The following RTTN variants were observed in gnomAD, a reference collection of about 807,000 sequenced individuals.
The protein encoded by RTTN is rotatin.
RTTN carries 182 observed loss-of-function variants against 269.2 expected under a neutral mutation model. That is an observed-to-expected ratio of 0.68 (90% confidence interval 0.60 to 0.76). RTTN has a LOEUF of 0.76. Among genes scored for constraint, RTTN ranks in the 30% least tolerant of loss-of-function variants. RTTN has a pLI of 0.00. For missense variants in RTTN, 2,545 were observed against 2,608.6 expected (o/e 0.98, Z 0.53); for synonymous variants, 1,006 against 963.5 (o/e 1.04, Z -0.82).
chr18:70,188,034 T>C, intron 10 of RTTN, 74 bp downstream of exon 10: 2 of 811,338 alleles, frequency 2.5e-6, no homozygotes, highest in South Asian at 1.5e-5. Context: ...AATGAGACAA[T>C]GAAACCGGCT....
rs2056141656 is a variant in RTTN, at chr18:70,005,076, A to G, written c.6595+122T>C. 7 of 571,160 alleles carry G rather than the reference A, an allele frequency of 1.2e-5. No homozygotes were observed. In the South Asian group the frequency reaches 1.5e-4, roughly 12 times the overall value. The allele number at this position is 571,160 out of a possible 1,614,324, so 35.4% of individuals were successfully genotyped here. Reference sequence around the variant, plus strand: ...AAAAAATGATATAATTAAAGCACATACTGAATATTGGCACATTTTACAATG... The same window carrying G: ...AAAAAATGATATAATTAAAGCACATGCTGAATATTGGCACATTTTACAATG... On this transcript the variant is annotated intron_variant, in intron 48 of 48. Transcript: ENST00000640769.
chr18:70,011,065 A>G (rs2056356958), intron 46 of RTTN, among the ~76,000 whole-genome samples: 1 of 152,228 alleles, frequency 6.6e-6, no homozygotes, highest in Non-Finnish European at 1.5e-5. Flanking sequence ...GAATAGATCA[A>G]TAACAAGTTC....
At chr18:70,073,880 AG>A in intron 34 of RTTN, 25 bp downstream of exon 34, 1 of 1,541,210 alleles carries the variant, frequency 6.5e-7, no homozygotes, top group Non-Finnish European at 9.0e-7. Context: ...TTCAAAATAA[AG>A]GACTTATGCA....
chr18:70,092,384 C>A (rs1249806287), intron 29 of RTTN, among the ~76,000 whole-genome samples, 164 bp from the exon 30 acceptor site: 1 of 152,174 alleles, frequency 6.6e-6, no homozygotes, highest in Non-Finnish European at 1.5e-5. Flanking sequence ...AAATTTGTTT[C>A]TCTTTAAAAA....
chr18:70,092,104 A>C lies in RTTN; in HGVS notation c.4143+6T>G, dbSNP rs988847921. 1.7e-5 allele frequency: 27 copies of C among 1,571,998 alleles called. No individual in the cohort carries two copies. The highest frequency in any genetic ancestry group is 2.1e-5 in the Non-Finnish European group (24 of 1,142,784). On this transcript the variant is annotated splice_donor_region_variant and intron_variant, in intron 30 of 48. Transcript: ENST00000640769. ...CACAATACACTTGATTCTCCTTCACACTCACCTCTGGGTCCCGATCAACCC... is the reference window on the plus strand; with the variant it reads ...CACAATACACTTGATTCTCCTTCACCCTCACCTCTGGGTCCCGATCAACCC...
At chr18:70,104,141 T>C (rs1422954204) in intron 28 of RTTN, among the ~76,000 whole-genome samples, 7 of 152,244 alleles carry the variant, frequency 4.6e-5, no homozygotes, top group Non-Finnish European at 1.5e-5. Flanking sequence ...AATGTAGATT[T>C]GGTCTTTTCA....
intron 14 of RTTN, among the ~76,000 whole-genome samples, chr18:70,157,698 C>G (rs113762639): frequency 6.6e-6 from 1 of 152,058 alleles, no homozygotes; most frequent in Admixed American, 6.6e-5. Flanking sequence ...GAAGCCCCAC[C>G]CATGGAAACC....
At chr18:70,200,712 T>C (rs2146174921) in intron 4 of RTTN, among the ~76,000 whole-genome samples, 1 of 152,336 alleles carries the variant, frequency 6.6e-6, no homozygotes, top group South Asian at 2.1e-4. Flanking sequence ...CTTGAACATA[T>C]CCTTTTCAAC....
intron 8 of RTTN, among the ~76,000 whole-genome samples, chr18:70,190,942 C>G (rs1270425463): frequency 1.3e-5 from 2 of 152,148 alleles, no homozygotes; most frequent in African/African-American, 2.4e-5. Flanking sequence ...CATCCCAGCA[C>G]TTTGGGAGGC....
chr18:70,198,467 TA>T (rs920451432), intron 5 of RTTN, among the ~76,000 whole-genome samples: 17 of 152,190 alleles, frequency 1.1e-4, no homozygotes, highest in African/African-American at 4.1e-4. Context: ...ATGTCATTAT[TA>T]AAAATCACTT....
rs78075144 is a variant in RTTN at position 70,134,367 on chromosome 18, T to C, written c.2954+106A>G. 3.0e-3 allele frequency: 2,536 copies of C among 855,170 alleles called. 10 individuals are homozygous for C. The highest frequency in any genetic ancestry group is 2.8e-3 in the Non-Finnish European group (1,485 of 535,680). The allele number at this position is 855,170 out of a possible 1,614,324, so 53.0% of individuals were successfully genotyped here. On this transcript the variant is annotated intron_variant, in intron 23 of 48. Transcript: ENST00000640769. ...GAAGGAACCATGAAAGCCCAAGTTA[T>C]GGGATTTAAATGCTAAATGAAAATT...
intron 23 of RTTN, chr18:70,129,213 A>T (rs1363525596): frequency 6.6e-6 from 1 of 152,078 alleles, no homozygotes. Flanking sequence ...TTTTCCTTTA[A>T]CATGGTGAAA....
rs542711816 is a variant in RTTN, at chr18:70,075,866, T to C, written c.4375-325A>G. Reference sequence around the variant, plus strand: ...TGCACCAAAAACACAATAAAAGCAGTATTTTTCAACCTACATATAATAGTA... The same window carrying C: ...TGCACCAAAAACACAATAAAAGCAGCATTTTTCAACCTACATATAATAGTA... On this transcript the variant is annotated intron_variant, in intron 32 of 48. Transcript: ENST00000640769. Among the ~76,000 whole-genome samples the C allele has an allele frequency of 2.6e-3, 391 of 152,238 alleles. 4 individuals carry two copies. Among genetic ancestry groups the C allele is most frequent in the Middle Eastern group, 0.01 (3 of 294 alleles).
rs140641007 is a variant in RTTN at position 70,204,039 on chromosome 18, A to G, written c.397+47T>C. The G allele has an allele frequency of 8.5e-5, 115 of 1,357,736 alleles. 1 individual carries two copies. The African/African-American group carries it at 1.4e-3, about 17-fold the overall frequency. The allele number at this position is 1,357,736 out of a possible 1,614,324, so 84.1% of individuals were successfully genotyped here. ...TCTAATCTCCCTTTCCTTAAAATTT[A>G]CCATTAGAATTAATATATTTGTATT... On this transcript the variant is annotated intron_variant, in intron 3 of 48. Coordinates refer to ENST00000640769, the MANE Select transcript of RTTN (RefSeq NM_173630.4).
rs377044055 is a variant in RTTN at position 70,030,943 on chromosome 18, T to A, written c.5580A>T (p.Arg1860Ser). ...EGKSSKDILKRVAANALMSLL... is the reference protein window; with the variant it reads ...EGKSSKDILKSVAANALMSLL... ...GTGACATCAATGCATTTGCAGCTACTCTTTTCAGGATATCTTTGGAGGATT... is the reference window on the plus strand; with the variant it reads ...GTGACATCAATGCATTTGCAGCTACACTTTTCAGGATATCTTTGGAGGATT... Residue 1860 changes from arginine (R) to serine (S), a missense_variant, in exon 41 of 49, where the codon AGA (arginine) becomes AGT (serine). Coordinates refer to ENST00000640769, the MANE Select transcript of RTTN (RefSeq NM_173630.4). The A allele has an allele frequency of 2.5e-6, 4 of 1,613,574 alleles. No individual in the cohort carries two copies. In the African/African-American group the frequency reaches 5.3e-5, roughly 22 times the overall value.
At chr18:70,112,497 AAAAAGCAAGAGCTACCAT>A (rs955187179) in intron 27 of RTTN, among the ~76,000 whole-genome samples, 1 of 150,086 alleles carries the variant, frequency 6.7e-6, no homozygotes, top group Non-Finnish European at 1.5e-5. Flanking sequence ...AAAAAAAAAA[AAAAAGCAAGAGCTACCAT>A]CCTTATCTCT....
At chr18:70,063,682 T>C (rs767874198) in intron 35 of RTTN, among the ~76,000 whole-genome samples, 3 of 152,252 alleles carry the variant, frequency 2.0e-5, no homozygotes, top group Non-Finnish European at 4.4e-5. Flanking sequence ...ATAAAATATG[T>C]ATTACATATC....
chr18:70,035,313 T>C (rs2057138405), intron 40 of RTTN, among the ~76,000 whole-genome samples: 1 of 152,166 alleles, frequency 6.6e-6, no homozygotes, highest in Non-Finnish European at 1.5e-5. Flanking sequence ...CTTCAAACTA[T>C]ACTACAGGGC....
intron 34 of RTTN, among the ~76,000 whole-genome samples, chr18:70,069,176 T>C (rs2058229298): frequency 6.6e-6 from 1 of 152,018 alleles, no homozygotes; most frequent in African/African-American, 2.4e-5. Flanking sequence ...ACAGTCTACT[T>C]GAAAGAGAGT....
Sources: allele counts gnomAD v4.1 joint callset (sites outside exome capture counted in the v4.1 genomes callset), GRCh38; gene constraint gnomAD v4.1.1; transcripts MANE v1.5; gene names NCBI Gene and HGNC (gene_info 2026-07-23, HGNC 2026-07-21).